Variants in OASL observed in about 807,000 individuals in gnomAD.
OASL encodes the protein 2'-5'-oligoadenylate synthetase like, also known as 2'-5'-oligoadenylate synthase-like protein.
In OASL, 28 loss-of-function variants were observed where a neutral mutation model predicts 35.3. The observed-to-expected ratio is 0.79, with a 90% CI of 0.59 to 1.09. The LOEUF is 1.09. Among genes scored for constraint, OASL ranks in the 50% least tolerant of loss-of-function variants. OASL has a pLI of 0.00. For synonymous variants in OASL, 252 were observed against 254.6 expected (o/e 0.99, Z 0.10); for missense variants, 620 against 635.2 (o/e 0.98, Z 0.26).
rs764012493 is a variant in OASL at position 121,038,846 on chromosome 12, C to T, written c.126G>A (p.Glu42=). The T allele has an allele frequency of 3.1e-6, 5 of 1,614,070 alleles. No individual in the cohort carries two copies. The East Asian group carries it at 8.9e-5, about 29-fold the overall frequency. ...CCTGGAAATGCTCCTGCCTCAGAAACTCCTCCACGGTCCGCACAGCGTCTA... is the reference window on the plus strand; with the variant it reads ...CCTGGAAATGCTCCTGCCTCAGAAATTCCTCCACGGTCCGCACAGCGTCTA... The change falls in exon 1 of 6, where the codon GAG becomes GAA. Residue 42 remains glutamate, a synonymous_variant. Coordinates refer to ENST00000257570, the Ensembl canonical transcript of OASL.
intron 1 of OASL, among the ~76,000 whole-genome samples, chr12:121,035,879 A>G (rs968087281): frequency 2.0e-5 from 3 of 152,080 alleles, no homozygotes; most frequent in African/African-American, 7.2e-5. Flanking sequence ...TCTTTTTGAG[A>G]CAGGGTCTTG....
chr12:121,026,664 C>T (rs1869498943), intron 4 of OASL, among the ~76,000 whole-genome samples: 3 of 152,064 alleles, frequency 2.0e-5, no homozygotes, highest in African/African-American at 4.8e-5. Context: ...CCAGCCTGGC[C>T]AACATGGCAA....
In OASL at chr12:121,027,742, C is replaced by G. The variant is rs576939956; in HGVS notation, c.733G>C (p.Glu245Gln). 3.1e-6 allele frequency: 5 copies of G among 1,614,162 alleles called. No individual in the cohort carries two copies. In the Admixed American group the frequency reaches 8.3e-5, roughly 27 times the overall value. Residue 245 changes from glutamate (E) to glutamine (Q), a missense_variant, in exon 4 of 6, where the codon GAA becomes CAA. Transcript: ENST00000257570. ...TTCTCGTCTTCTTCAGTACCCATTT[C>G]CCAGGCATAGATGGTTAGAAGTTCA... is the stretch of plus-strand genomic sequence containing the variant.
chr12:121,033,622 A>G (rs777156196), exon 2 of OASL: 91 of 1,614,034 alleles, frequency 5.6e-5, no homozygotes, highest in Non-Finnish European at 7.5e-5. Flanking sequence ...TTTCCATATC[A>G]GCCTCAGAAC....
chr12:121,022,489 T>TGATTACA (rs1869287218), intron 5 of OASL, among the ~76,000 whole-genome samples: 1 of 152,228 alleles, frequency 6.6e-6, no homozygotes, highest in African/African-American at 2.4e-5. Flanking sequence ...CAAAGTGCTG[T>TGATTACA]GATTACAGGC....
At chr12:121,037,783 AC>A (rs1162581607) in intron 1 of OASL, among the ~76,000 whole-genome samples, 14 of 123,712 alleles carry the variant, frequency 1.1e-4, no homozygotes, top group South Asian at 8.2e-4. Context: ...AAAAAAAAAA[AC>A]AAAAACAAAA....
intron 5 of OASL, chr12:121,023,647 T>C (rs1869348382): frequency 9.4e-6 from 2 of 212,228 alleles, no homozygotes; most frequent in Middle Eastern, 2.1e-3. Flanking sequence ...CCACATCCCC[T>C]ACCCCATCCC....
Position 121,028,193 on chromosome 12 carries a change from G to GA in OASL, c.658-377dup, listed in dbSNP as rs370949731. Among the ~76,000 whole-genome samples the GA allele has an allele frequency of 1.1e-3, 160 of 152,228 alleles. 3 individuals are homozygous for GA. Among genetic ancestry groups the GA allele is most frequent in the African/African-American group, 3.8e-3 (157 of 41,542 alleles). Reference sequence around the variant, plus strand: ...AAGGAAAGGTTTCCTTAGATAGAGGGAAAAAATGGTAATAGGTGAGATTCT... The same window carrying GA: ...AAGGAAAGGTTTCCTTAGATAGAGGGAAAAAAATGGTAATAGGTGAGATTCT... On this transcript the variant is annotated intron_variant, in intron 3 of 5. Coordinates refer to ENST00000257570, the Ensembl canonical transcript of OASL.
chr12:121,018,467 G>A (rs1869116486), downstream of OASL, among the ~76,000 whole-genome samples: 1 of 152,044 alleles, frequency 6.6e-6, no homozygotes, highest in Admixed American at 6.5e-5. Flanking sequence ...CAAGGAGGGA[G>A]GGGAGGGAGG....
chr12:121,021,184 G>A (rs1280545230), intron 5 of OASL, 126 bp from the exon 6 acceptor site: 5 of 955,930 alleles, frequency 5.2e-6, no homozygotes, highest in Non-Finnish European at 7.5e-6. Context: ...AAATGTTTAG[G>A]GAGTGGTAAG....
rs113670540 is a variant in OASL at position 121,035,132 on chromosome 12, T to A, written c.199-1389A>T. ...TCAGATTCCAGCTGTTGCCGGATGA[T>A]ATAACATGCCCTGTGTGACATGAGC... On this transcript the variant is annotated intron_variant, in intron 1 of 5. Coordinates refer to ENST00000257570, the Ensembl canonical transcript of OASL. Among the ~76,000 whole-genome samples the A allele has an allele frequency of 2.1e-4, 32 of 152,142 alleles. 1 individual carries two copies. The highest frequency in any genetic ancestry group is 7.7e-4 in the African/African-American group (32 of 41,510).
chr12:121,037,343 G>A (rs1297110396), intron 1 of OASL, among the ~76,000 whole-genome samples: 2 of 152,050 alleles, frequency 1.3e-5, no homozygotes, highest in African/African-American at 2.4e-5. Context: ...TAGCACAGGC[G>A]GTGGCATGAA....
At chr12:121,038,622 TG>T in intron 1 of OASL, 151 bp downstream of exon 1, 1 of 677,514 alleles carries the variant, frequency 1.5e-6, no homozygotes, top group Non-Finnish European at 2.6e-6. Context: ...AGTGGTGCAG[TG>T]GGGTGTAGAC....
In OASL at chr12:121,027,820, G is replaced by A; in HGVS notation, c.658-3C>T. On this transcript the variant is annotated splice_polypyrimidine_tract_variant and splice_region_variant and intron_variant, in intron 3 of 5. Coordinates refer to ENST00000257570, the Ensembl canonical transcript of OASL. The stretch of plus-strand genomic sequence containing the variant: ...CTGGGGGACCTGGCTTTCACATACT[G>A]TTGAAAGAGATGGGAAGACAGAGAG... 1 of 1,611,128 alleles carries A rather than the reference G, an allele frequency of 6.2e-7. No homozygotes were observed. The highest frequency in any genetic ancestry group is 8.5e-7 in the Non-Finnish European group (1 of 1,177,562).
intron 2 of OASL, among the ~76,000 whole-genome samples, chr12:121,032,217 C>T (rs12811390): frequency 0.14 from 21,894 of 151,930 alleles, 1,859 homozygotes; most frequent in Non-Finnish European, 0.19. Context: ...TATATAAACT[C>T]ATAGGGAGAA....
intron 4 of OASL, among the ~76,000 whole-genome samples, chr12:121,026,808 C>A (rs913767623): frequency 6.6e-6 from 1 of 151,030 alleles, no homozygotes; most frequent in Admixed American, 6.6e-5. Flanking sequence ...GTGGAGATTG[C>A]GCCACTGCAC....
chr12:121,024,750 C>T (rs968668853), intron 4 of OASL, among the ~76,000 whole-genome samples: 2 of 152,060 alleles, frequency 1.3e-5, no homozygotes, highest in African/African-American at 2.4e-5. Flanking sequence ...CCTGTACCTT[C>T]GGAGCAGGTT....
At chr12:121,024,101 G>C in exon 5 of OASL, 1 of 1,614,142 alleles carries the variant, frequency 6.2e-7, no homozygotes, top group Non-Finnish European at 8.5e-7. Flanking sequence ...CTTCTGCCAC[G>C]TTGAGGGTGG....
intron 5 of OASL, 151 bp downstream of exon 5, chr12:121,023,839 T>C: frequency 2.5e-6 from 2 of 807,450 alleles, no homozygotes; most frequent in African/African-American, 1.7e-5. Context: ...TTTGTCCAAG[T>C]TCACGGAGCC....
Sources: gnomAD v4.1 joint callset for allele counts (sites outside exome capture counted in the v4.1 genomes callset) on GRCh38, gnomAD v4.1.1 for gene constraint, MANE v1.5 for transcripts, NCBI Gene and HGNC (gene_info 2026-07-23, HGNC 2026-07-21) for gene names.